CACNB4: variants seen among roughly 807,000 people sequenced by gnomAD.
CACNB4 encodes the protein calcium voltage-gated channel auxiliary subunit beta 4, also known as voltage-dependent L-type calcium channel subunit beta-4.
A neutral mutation model predicts 71.2 loss-of-function variants in CACNB4; 32 were observed. The observed-to-expected ratio is 0.45, with a 90% confidence interval of 0.34 to 0.60. The LOEUF (loss-of-function observed/expected upper bound fraction) is 0.60. Ranked by LOEUF, CACNB4 falls within the 20% of genes least tolerant of loss-of-function variation. CACNB4 has a pLI of 0.01. For synonymous variants in CACNB4, 231 were observed against 236.9 expected (o/e 0.97, Z 0.23); for missense variants, 464 against 647.9 (o/e 0.72, Z 3.08).
At position 152,098,294 on chromosome 2, in the gene CACNB4, TC is replaced by T; in HGVS notation, c.147+35del. 1 of 1,555,114 alleles carries T rather than the reference TC, an allele frequency of 6.4e-7. No homozygotes were observed. Among genetic ancestry groups the T allele is most frequent in the East Asian group, 2.2e-5 (1 of 44,462 alleles). ...GGACCCCCGCGCCGCGCGCTCGGCCTCCTCCCCATCCTGGTCTCCCGCCTCC... is the reference window on the plus strand; with the variant it reads ...GGACCCCCGCGCCGCGCGCTCGGCCTCTCCCCATCCTGGTCTCCCGCCTCC... On this transcript the variant is annotated intron_variant, in intron 2 of 13. Coordinates refer to ENST00000539935, the MANE Select transcript of CACNB4 (RefSeq NM_000726.5). The surrounding 1 kb of genome is among the most constrained non-coding windows in gnomAD (Gnocchi z 5.3).
chr2:151,944,029 T>C (rs1363443572), intron 2 of CACNB4, among the ~76,000 whole-genome samples: 2 of 70,738 alleles, frequency 2.8e-5, no homozygotes, highest in Non-Finnish European at 5.8e-5. Context: ...CTTTCTTTCT[T>C]TTTTTTTTTT....
intron 12 of CACNB4, among the ~76,000 whole-genome samples, chr2:151,845,478 A>AG (rs397820773): frequency 0.33 from 50,235 of 152,158 alleles, 11,358 homozygotes; most frequent in East Asian, 0.64. Context: ...ACTCAGTATC[A>AG]GGGAAAACAA....
intron 2 of CACNB4, among the ~76,000 whole-genome samples, chr2:152,084,779 T>G (rs1356154665): frequency 2.1e-5 from 3 of 143,258 alleles, no homozygotes; most frequent in East Asian, 4.0e-4. Context: ...CTGGCTAATG[T>G]TTTTTTTTTT....
chr2:151,842,500 T>A (rs1041431047), intron 12 of CACNB4, among the ~76,000 whole-genome samples: 7 of 151,706 alleles, frequency 4.6e-5, no homozygotes, highest in Admixed American at 1.3e-4. Context: ...CCAGCTAATT[T>A]TTTTGTATTT....
intron 2 of CACNB4, among the ~76,000 whole-genome samples, chr2:152,087,431 CAAAAAA>C (rs754057435): frequency 1.4e-4 from 11 of 79,454 alleles, no homozygotes; most frequent in African/African-American, 4.4e-4. Flanking sequence ...GACCCCATCT[CAAAAAA>C]AAAAAAAAAA....
At chr2:151,859,009 C>T (rs2099840986) in intron 10 of CACNB4, 1 of 152,114 alleles carries the variant, frequency 6.6e-6, no homozygotes, top group South Asian at 2.1e-4. Context: ...TCTTTATTTC[C>T]TAAGTCTAGC....
At chr2:152,051,906 T>C (rs1284694682) in intron 2 of CACNB4, among the ~76,000 whole-genome samples, 1 of 152,206 alleles carries the variant, frequency 6.6e-6, no homozygotes, top group Admixed American at 6.5e-5. Flanking sequence ...ATAAAATATG[T>C]AGTTTTTGTA....
At chr2:151,883,631 A>C (rs1660835534) in intron 2 of CACNB4, 1 of 467,338 alleles carries the variant, frequency 2.1e-6, no homozygotes, top group Non-Finnish European at 3.9e-6. Flanking sequence ...TGTGATACTC[A>C]GCACCAATTC....
Position 152,098,372 on chromosome 2 carries a change from T to A in CACNB4, c.105A>T (p.Arg35Ser), listed in dbSNP as rs1688397480. 1 of 1,613,752 alleles carries A rather than the reference T, an allele frequency of 6.2e-7. No homozygotes were observed. The highest frequency in any genetic ancestry group is 8.5e-7 in the Non-Finnish European group (1 of 1,179,712). The change falls in exon 2 of 14, where the codon AGA becomes AGT. Residue 35 changes from arginine (R) to serine (S), a missense_variant. Around this residue, in one of 3 missense-constraint regions of CACNB4, gnomAD observed 50 missense variants for 47.5 expected, o/e 1.05. Transcript: ENST00000539935. This position sits in a 1 kb window ranked among gnomAD's most constrained non-coding sequence, Gnocchi z 5.3. The part of the protein sequence containing the change: ...GTTTRRSRLK[R>S]SDGSTTSTSF... ...TGGTCGAAGTGGTGCTGCCATCGGA[T>A]CTTTTCAACCTGCTCCTCCGGGTTG...
At chr2:151,891,622 A>AT (rs2099850740) in intron 2 of CACNB4, among the ~76,000 whole-genome samples, 1 of 152,252 alleles carries the variant, frequency 6.6e-6, no homozygotes, top group East Asian at 1.9e-4. Context: ...AAGAAGTGCT[A>AT]TATCAATAAG....
intron 2 of CACNB4, among the ~76,000 whole-genome samples, chr2:152,044,047 T>G (rs945517341): frequency 6.6e-6 from 1 of 151,942 alleles, no homozygotes; most frequent in Admixed American, 6.6e-5. Flanking sequence ...CTCTTAAAAA[T>G]TTTTTTCAAA....
At chr2:151,884,601 C>T (rs1283141621) in intron 2 of CACNB4, among the ~76,000 whole-genome samples, 2 of 139,532 alleles carry the variant, frequency 1.4e-5, no homozygotes, top group South Asian at 2.3e-4. Flanking sequence ...CACCACTGCA[C>T]TCCAGCCTGG....
chr2:152,000,523 A>G (rs1682334716), intron 2 of CACNB4, among the ~76,000 whole-genome samples: 1 of 152,184 alleles, frequency 6.6e-6, no homozygotes, highest in African/African-American at 2.4e-5. Context: ...TTGTCATTAC[A>G]ACTGGATGGC....
intron 13 of CACNB4, chr2:151,841,633 C>T (rs868665385): frequency 2.7e-6 from 1 of 369,052 alleles, no homozygotes; most frequent in South Asian, 3.4e-5. Flanking sequence ...ATTACGTTTG[C>T]CAGCAGAGTT....
intron 2 of CACNB4, among the ~76,000 whole-genome samples, chr2:152,000,838 G>T (rs941408472): frequency 6.6e-6 from 1 of 152,172 alleles, no homozygotes; most frequent in Non-Finnish European, 1.5e-5. Context: ...TGATGCTCAT[G>T]GCCTGGGCGG....
At chr2:152,080,628 T>G (rs1049178776) in intron 2 of CACNB4, among the ~76,000 whole-genome samples, 1 of 152,186 alleles carries the variant, frequency 6.6e-6, no homozygotes, top group African/African-American at 2.4e-5. Context: ...GTGGCATATA[T>G]TTTGTGTACT....
At chr2:151,854,733 A>G (rs1215547720) in intron 11 of CACNB4, 1 of 152,342 alleles carries the variant, frequency 6.6e-6, no homozygotes, top group Non-Finnish European at 1.5e-5. Context: ...CATTCTTTCA[A>G]GAACTCAACC....
At chr2:151,922,341 T>C (rs1262703808) in intron 2 of CACNB4, among the ~76,000 whole-genome samples, 2 of 152,208 alleles carry the variant, frequency 1.3e-5, no homozygotes, top group Non-Finnish European at 2.9e-5. Flanking sequence ...TAACTGGGAC[T>C]ATAGGCGTGT....
At chr2:152,007,087 G>T (rs1255683291) in intron 2 of CACNB4, among the ~76,000 whole-genome samples, 2 of 152,132 alleles carry the variant, frequency 1.3e-5, no homozygotes, top group Non-Finnish European at 2.9e-5. Context: ...AGTCACACCT[G>T]GTCTGTCAAT....
Sources: gnomAD v4.1 joint callset for allele counts (sites outside exome capture counted in the v4.1 genomes callset) on GRCh38, gnomAD v4.1.1 for gene constraint, gnomAD v4.1.1 regional missense constraint, Gnocchi (gnomAD v3.1) non-coding constraint, MANE v1.5 for transcripts, NCBI Gene and HGNC (gene_info 2026-07-23, HGNC 2026-07-21) for gene names.